Variants in GRAMD1B observed in about 807,000 individuals in gnomAD.
The protein encoded by GRAMD1B is GRAM domain containing 1B, also known as protein Aster-B.
A neutral mutation model predicts 99.7 loss-of-function variants in GRAMD1B; 37 were observed. The observed-to-expected ratio is 0.37, with a 90% CI of 0.29 to 0.49. The LOEUF (loss-of-function observed/expected upper bound fraction) is 0.49, where lower values mean the gene tolerates loss of function less well. Among genes scored for constraint, GRAMD1B ranks in the 20% least tolerant of loss-of-function variants. GRAMD1B has a pLI of 0.98. For synonymous variants in GRAMD1B, 427 were observed against 387.6 expected (o/e 1.10, Z -1.19); for missense variants, 888 against 1,009.2 (o/e 0.88, Z 1.63).
At chr11:123,536,074 C>A (rs890300759) in intron 2 of GRAMD1B, among the ~76,000 whole-genome samples, 2 of 152,180 alleles carry the variant, frequency 1.3e-5, no homozygotes, top group Non-Finnish European at 2.9e-5. Context: ...ACTGGTGTGA[C>A]TATGGAGAAG....
chr11:123,449,964 C>A (rs552153688), intron 1 of GRAMD1B, among the ~76,000 whole-genome samples: 1 of 152,140 alleles, frequency 6.6e-6, no homozygotes, highest in Non-Finnish European at 1.5e-5. Flanking sequence ...CTCAAGGGAT[C>A]CTTCTGCCTC....
intron 4 of GRAMD1B, among the ~76,000 whole-genome samples, chr11:123,590,933 G>T (rs1436519667): frequency 2.0e-5 from 3 of 152,250 alleles, no homozygotes; most frequent in East Asian, 1.9e-4. Context: ...CCCGGCTGTG[G>T]ATCATCCTTG....
Position 123,610,872 on chromosome 11 carries a change from G to A in GRAMD1B, c.1919+534G>A, listed in dbSNP as rs77362252. Among the ~76,000 whole-genome samples the A allele has an allele frequency of 0.012, 1,864 of 152,274 alleles. 39 individuals are homozygous for A. The highest frequency in any genetic ancestry group is 0.043 in the African/African-American group (1,784 of 41,544). The stretch of plus-strand genomic sequence containing the variant: ...TCCCAGCACCCAGCTGGGCCTGCAC[G>A]TATCAGAGTCCAGAGAACACTTATT... On this transcript the variant is annotated intron_variant, in intron 14 of 19. Transcript: ENST00000635736. The surrounding 1 kb of genome is among the most constrained non-coding windows in gnomAD (Gnocchi z 4.1).
chr11:123,526,203 T>A (rs1466750358), intron 2 of GRAMD1B: 1 of 1,598,580 alleles, frequency 6.3e-7, no homozygotes, highest in Non-Finnish European at 8.6e-7. Flanking sequence ...CACCTTCCTC[T>A]TCTGCCTTTC....
At chr11:123,594,370 G>A (rs1161636131) in intron 5 of GRAMD1B, among the ~76,000 whole-genome samples, 3 of 152,242 alleles carry the variant, frequency 2.0e-5, no homozygotes, top group African/African-American at 4.8e-5. Context: ...CCAACCTGGA[G>A]TGAGTCACTG....
intron 1 of GRAMD1B, among the ~76,000 whole-genome samples, chr11:123,366,340 T>C (rs1039036758): frequency 1.3e-5 from 2 of 152,250 alleles, no homozygotes; most frequent in African/African-American, 4.8e-5. Context: ...CCAACTGTGA[T>C]GAGGCTAGAG....
At position 123,390,300 on chromosome 11, in the gene GRAMD1B, G is replaced by A. The variant is rs560579494; in HGVS notation, c.-176+31501G>A. Among the ~76,000 whole-genome samples, 68 of 152,172 alleles carry A rather than the reference G, an allele frequency of 4.5e-4. 1 individual carries two copies. The highest frequency in any genetic ancestry group is 1.5e-3 in the African/African-American group (64 of 41,496). ...GAAATAAATGCAGACTTGCTCTGGC[G>A]GCAGTGGGGAAGGAGCCCCTGTGTC... On this transcript the variant is annotated intron_variant, in intron 1 of 20. Coordinates refer to the GRAMD1B transcript ENST00000638157.
chr11:123,365,552 T>C (rs1946292235), intron 1 of GRAMD1B, among the ~76,000 whole-genome samples: 1 of 152,176 alleles, frequency 6.6e-6, no homozygotes, highest in Non-Finnish European at 1.5e-5. Context: ...ATGCCTGGCC[T>C]ACCCTACATT....
At chr11:123,590,861 G>C (rs2136477280) in intron 4 of GRAMD1B, among the ~76,000 whole-genome samples, 1 of 152,340 alleles carries the variant, frequency 6.6e-6, no homozygotes, top group African/African-American at 2.4e-5. Context: ...CTTTGCTGGA[G>C]TTTCAGACCA....
chr11:123,557,904 C>T (rs73027975), intron 2 of GRAMD1B, among the ~76,000 whole-genome samples: 4,407 of 150,178 alleles, frequency 0.029, 83 homozygotes, highest in Non-Finnish European at 0.043. Flanking sequence ...GAAGTTAGGA[C>T]TAGGACTCTG....
chr11:123,448,661 C>T (rs766654471), intron 1 of GRAMD1B, among the ~76,000 whole-genome samples: 74 of 152,356 alleles, frequency 4.9e-4, no homozygotes, highest in Middle Eastern at 3.4e-3. Flanking sequence ...AGTTCCACTG[C>T]GATGTTCTTC....
intron 1 of GRAMD1B, among the ~76,000 whole-genome samples, chr11:123,403,396 C>T (rs1214616419): frequency 6.6e-6 from 1 of 150,398 alleles, no homozygotes; most frequent in Non-Finnish European, 1.5e-5. Flanking sequence ...CATTGCACTC[C>T]AGCCTGGGCA....
At chr11:123,403,741 G>A (rs1303350874) in intron 1 of GRAMD1B, among the ~76,000 whole-genome samples, 1 of 151,556 alleles carries the variant, frequency 6.6e-6, no homozygotes, top group South Asian at 2.1e-4. Flanking sequence ...AGGGGGTTTC[G>A]CTACGTTGGT....
chr11:123,459,211 T>A (rs1169773825), intron 1 of GRAMD1B: 2 of 152,040 alleles, frequency 1.3e-5, no homozygotes, highest in South Asian at 2.1e-4. Context: ...TCTATATATT[T>A]TTTTTTAATT....
intron 2 of GRAMD1B, among the ~76,000 whole-genome samples, chr11:123,496,142 C>G (rs1939231139): frequency 6.6e-6 from 1 of 152,156 alleles, no homozygotes; most frequent in South Asian, 2.1e-4. Context: ...TAGGACAGGT[C>G]TGGAGTTGAT....
At chr11:123,447,532 C>T (rs1056064471) in intron 1 of GRAMD1B, among the ~76,000 whole-genome samples, 1 of 152,174 alleles carries the variant, frequency 6.6e-6, no homozygotes, top group Non-Finnish European at 1.5e-5. Flanking sequence ...ACGACTGCCC[C>T]AGCACCAGTC....
intron 1 of GRAMD1B, among the ~76,000 whole-genome samples, chr11:123,368,540 C>T (rs1024829853): frequency 4.6e-5 from 7 of 151,246 alleles, no homozygotes; most frequent in African/African-American, 9.7e-5. Context: ...ATTAGCTGGA[C>T]GTTGTGGTGT....
chr11:123,536,990 A>G (rs1944032777), intron 2 of GRAMD1B, among the ~76,000 whole-genome samples: 1 of 152,224 alleles, frequency 6.6e-6, no homozygotes, highest in South Asian at 2.1e-4. Context: ...GCTTCATGCT[A>G]AGGATCTTTA....
rs745417277 is a variant in GRAMD1B at position 123,587,354 on chromosome 11, C to T, written c.684+3022C>T. 2.3e-4 allele frequency among the ~76,000 whole-genome samples: 35 copies of T among 152,168 alleles called. No individual in the cohort carries two copies. The highest frequency in any genetic ancestry group is 4.4e-4 in the Non-Finnish European group (30 of 68,024). ...GCCCAATTATATGTACTCCTCCTTACCCCCGAAGCCCCAGTCTACCACCCC... is the reference window on the plus strand; with the variant it reads ...GCCCAATTATATGTACTCCTCCTTATCCCCGAAGCCCCAGTCTACCACCCC... On this transcript the variant is annotated intron_variant, in intron 4 of 19. Coordinates refer to ENST00000635736, the MANE Select transcript of GRAMD1B (RefSeq NM_001387025.1). The surrounding 1 kb of genome is among the most constrained non-coding windows in gnomAD (Gnocchi z 4.2).
Sources: gnomAD v4.1 joint callset for allele counts (sites outside exome capture counted in the v4.1 genomes callset) on GRCh38, gnomAD v4.1.1 for gene constraint, Gnocchi (gnomAD v3.1) non-coding constraint, MANE v1.5 for transcripts, NCBI Gene and HGNC (gene_info 2026-07-23, HGNC 2026-07-21) for gene names.